Variants in FAM241A observed in about 807,000 individuals in gnomAD.
The protein encoded by FAM241A is uncharacterized protein FAM241A.
A neutral mutation model predicts 12.2 loss-of-function variants in FAM241A; 7 were observed. That is an observed-to-expected ratio of 0.58 (90% CI 0.33 to 1.08). The LOEUF (loss-of-function observed/expected upper bound fraction) is 1.08, where lower values mean the gene tolerates loss of function less well. Among genes scored for constraint, FAM241A ranks in the 50% least tolerant of loss-of-function variants. The pLI, the probability that FAM241A is intolerant of heterozygous loss-of-function variation, is 0.04. For synonymous variants in FAM241A, 74 were observed against 68.2 expected (o/e 1.08, Z -0.42); for missense variants, 161 against 169.7 (o/e 0.95, Z 0.29).
At chr4:112,171,509 G>A in intron 1 of FAM241A, 2 of 769,530 alleles carry the variant, frequency 2.6e-6, no homozygotes, top group Admixed American at 3.4e-5. Flanking sequence ...AGGAAAGAAA[G>A]GCCCAAGTGA....
intron 1 of FAM241A, among the ~76,000 whole-genome samples, chr4:112,151,087 T>C (rs1417655443): frequency 6.6e-6 from 1 of 152,230 alleles, no homozygotes; most frequent in Non-Finnish European, 1.5e-5. Flanking sequence ...AAATGTGATC[T>C]ACAGTGTTGG....
chr4:112,180,523 A>G, intron 1 of FAM241A, among the ~76,000 whole-genome samples: 1 of 152,162 alleles, frequency 6.6e-6, no homozygotes, highest in Admixed American at 6.5e-5. Flanking sequence ...TGTTCATTAT[A>G]CCAGTGTTTC....
In FAM241A at chr4:112,145,638, G is replaced by T; in HGVS notation, c.58G>T (p.Gly20Trp). ...CGACGGCGGGGAACGCGACGAGGAC[G>T]GGGACGCGCTGGCGGAGCGGGAGGC... ...GGDGGERDED[G>W]DALAEREAAG... The change falls in exon 1 of 2, where the codon GGG (glycine) becomes TGG (tryptophan). Residue 20 changes from glycine to tryptophan, a missense_variant. Transcript: ENST00000309733. 2 of 1,223,542 alleles carry T rather than the reference G, an allele frequency of 1.6e-6. No homozygotes were observed. Among genetic ancestry groups the T allele is most frequent in the East Asian group, 3.2e-5 (1 of 30,868 alleles). 75.8% of individuals were successfully genotyped at this position (1,223,542 alleles called of 1,614,324 possible).
intron 1 of FAM241A, among the ~76,000 whole-genome samples, chr4:112,167,071 G>A (rs1173838421): frequency 7.5e-6 from 1 of 133,672 alleles, no homozygotes; most frequent in African/African-American, 2.9e-5. Flanking sequence ...CCGAGATCCC[G>A]CCACTGCACT....
rs1724102174 is a variant in FAM241A at position 112,188,949 on chromosome 4, A to C, written c.*2011A>C. 6.6e-6 allele frequency: 1 copy of C among 152,220 alleles called. No individual in the cohort carries two copies. Among genetic ancestry groups the C allele is most frequent in the African/African-American group, 2.4e-5 (1 of 41,462 alleles). The allele number at this position is 152,220 out of a possible 1,614,324, so 9.4% of individuals were successfully genotyped here. On this transcript the variant is annotated 3_prime_UTR_variant, in exon 2 of 2. Coordinates refer to ENST00000309733, the MANE Select transcript of FAM241A (RefSeq NM_152400.3). Reference sequence around the variant, plus strand: ...CATATATTATTGGTCAGTACATCAAATAATATTTGGCTTTGATATGGGAAA... The same window carrying C: ...CATATATTATTGGTCAGTACATCAACTAATATTTGGCTTTGATATGGGAAA...
chr4:112,175,191 T>C (rs1056036340), intron 1 of FAM241A, among the ~76,000 whole-genome samples: 1 of 152,186 alleles, frequency 6.6e-6, no homozygotes, highest in Non-Finnish European at 1.5e-5. Flanking sequence ...AGACCAAAAG[T>C]AGATATGCTA....
intron 1 of FAM241A, among the ~76,000 whole-genome samples, chr4:112,148,206 A>G (rs1002052498): frequency 1.3e-5 from 2 of 152,112 alleles, no homozygotes; most frequent in South Asian, 4.1e-4. Flanking sequence ...CCTCGTCCAC[A>G]TACATCCCTT....
chr4:112,166,077 C>T (rs1257629511), intron 1 of FAM241A, among the ~76,000 whole-genome samples: 13 of 146,888 alleles, frequency 8.9e-5, no homozygotes, highest in Admixed American at 2.7e-4. Context: ...GACAGAGTCT[C>T]GCTCTGTCGC....
chr4:112,153,758 C>G (rs1184100718), intron 1 of FAM241A, among the ~76,000 whole-genome samples: 2 of 152,104 alleles, frequency 1.3e-5, no homozygotes, highest in Non-Finnish European at 2.9e-5. Context: ...TTTCTTAGGG[C>G]AACAACTGCA....
At chr4:112,162,729 A>G (rs1457852335) in intron 1 of FAM241A, among the ~76,000 whole-genome samples, 3 of 152,204 alleles carry the variant, frequency 2.0e-5, no homozygotes, top group Non-Finnish European at 4.4e-5. Context: ...AAATGGCCAT[A>G]CTGCCCAAGG....
At chr4:112,167,912 G>T (rs1322268159) in intron 1 of FAM241A, among the ~76,000 whole-genome samples, 1 of 152,184 alleles carries the variant, frequency 6.6e-6, no homozygotes, top group Non-Finnish European at 1.5e-5. Flanking sequence ...AGGAGAACAT[G>T]ACAGACATCA....
Position 112,187,624 on chromosome 4 carries a change from G to A in FAM241A, c.*686G>A. 6.6e-6 allele frequency: 1 copy of A among 151,960 alleles called. No homozygotes were observed. The highest frequency in any genetic ancestry group is 6.6e-5 in the Admixed American group (1 of 15,172). The allele number at this position is 151,960 out of a possible 1,614,324, so 9.4% of individuals were successfully genotyped here. A position where few individuals can be genotyped will look rare whatever the true frequency, so the allele number is the denominator to read the frequency against. ...CTAGACCTACTTTAATATATCATTTGAAGTTTCAGACAATTTTGGTGCTAA... is the reference window on the plus strand; with the variant it reads ...CTAGACCTACTTTAATATATCATTTAAAGTTTCAGACAATTTTGGTGCTAA... On this transcript the variant is annotated 3_prime_UTR_variant, in exon 2 of 2. Coordinates refer to ENST00000309733, the MANE Select transcript of FAM241A (RefSeq NM_152400.3).
intron 1 of FAM241A, among the ~76,000 whole-genome samples, chr4:112,153,959 A>G (rs1164456988): frequency 6.6e-6 from 1 of 152,086 alleles, no homozygotes; most frequent in Non-Finnish European, 1.5e-5. Context: ...AATTTCTTTT[A>G]TTTCCTCTTC....
chr4:112,177,488 A>T (rs111538689), intron 1 of FAM241A, among the ~76,000 whole-genome samples: 13 of 152,286 alleles, frequency 8.5e-5, no homozygotes, highest in African/African-American at 3.1e-4. Flanking sequence ...TACTAAGTAT[A>T]GGTCAGTGTC....
chr4:112,168,792 G>A (rs943086601), intron 1 of FAM241A, among the ~76,000 whole-genome samples: 7 of 152,058 alleles, frequency 4.6e-5, no homozygotes, highest in Non-Finnish European at 8.8e-5. Flanking sequence ...AGCCTTCCAA[G>A]TAGCTGGGAT....
At chr4:112,184,364 T>C (rs1194574492) in intron 1 of FAM241A, among the ~76,000 whole-genome samples, 1 of 152,142 alleles carries the variant, frequency 6.6e-6, no homozygotes, top group Non-Finnish European at 1.5e-5. Flanking sequence ...ACCCTGTCTC[T>C]AGTAAATACA....
At chr4:112,163,572 A>T (rs921670816) in intron 1 of FAM241A, among the ~76,000 whole-genome samples, 1 of 152,226 alleles carries the variant, frequency 6.6e-6, no homozygotes, top group Non-Finnish European at 1.5e-5. Flanking sequence ...GCTCACCATC[A>T]CTGGTCATCA....
At chr4:112,154,903 G>A (rs1184295789) in intron 1 of FAM241A, among the ~76,000 whole-genome samples, 1 of 152,038 alleles carries the variant, frequency 6.6e-6, no homozygotes, top group Non-Finnish European at 1.5e-5. Context: ...GTATGGTGGG[G>A]AATACCTGTA....
chr4:112,146,399 A>G (rs1723139332), intron 1 of FAM241A, among the ~76,000 whole-genome samples: 1 of 152,222 alleles, frequency 6.6e-6, no homozygotes, highest in African/African-American at 2.4e-5. Flanking sequence ...AAGTTGCGTA[A>G]TTTTTTAAAC....
Sources: gnomAD v4.1 joint callset for allele counts (sites outside exome capture counted in the v4.1 genomes callset) on GRCh38, gnomAD v4.1.1 for gene constraint, MANE v1.5 for transcripts, NCBI Gene and HGNC (gene_info 2026-07-23, HGNC 2026-07-21) for gene names.